RIIAD1: variants seen among roughly 807,000 people sequenced by gnomAD.
RIIAD1 encodes regulatory subunit of type II PKA R-subunit domain containing 1, also known as RIIa domain-containing protein 1.
In RIIAD1, 15 loss-of-function variants were observed where a neutral mutation model predicts 13.3. The ratio of observed to expected loss-of-function variants is 1.13; its 90% CI spans 0.76 to 1.74. The LOEUF (loss-of-function observed/expected upper bound fraction) is 1.74. Among genes scored for constraint, RIIAD1 ranks in the 40% most tolerant of loss-of-function variants. RIIAD1 has a pLI of 0.00. For missense variants in RIIAD1, 121 were observed against 112.2 expected (o/e 1.08, Z -0.35); for synonymous variants, 50 against 43.3 (o/e 1.16, Z -0.61).
chr1:151,722,202 G>T, intron 2 of RIIAD1, 40 bp downstream of exon 2: 1 of 1,249,338 alleles, frequency 8.0e-7, no homozygotes, highest in Non-Finnish European at 1.1e-6. Context: ...TGGCACGCAG[G>T]GTTTTCTTCG....
chr1:151,722,693 AT>A (rs1361723702), intron 2 of RIIAD1, among the ~76,000 whole-genome samples: 1 of 152,216 alleles, frequency 6.6e-6, no homozygotes, highest in Non-Finnish European at 1.5e-5. Context: ...TTATAGACAA[AT>A]AGACAAGGTT....
At position 151,721,637 on chromosome 1, in the gene RIIAD1, C is replaced by T; in HGVS notation, c.84+17C>T. Reference sequence around the variant, plus strand: ...AAATTCAAGGTGGGTGCGCCCGCGCCCCCATCCAGCGTCCACCAAAGTGTA... The same window carrying T: ...AAATTCAAGGTGGGTGCGCCCGCGCTCCCATCCAGCGTCCACCAAAGTGTA... On this transcript the variant is annotated intron_variant, in intron 1 of 4. Coordinates refer to ENST00000479191, the MANE Select transcript of RIIAD1 (RefSeq NM_001144956.3). 1 of 1,267,814 alleles carries T rather than the reference C, an allele frequency of 7.9e-7. No individual in the cohort carries two copies. The highest frequency in any genetic ancestry group is 2.5e-5 in the South Asian group (1 of 40,478). The allele number at this position is 1,267,814 out of a possible 1,614,324, so 78.5% of individuals were successfully genotyped here.
At chr1:151,717,810 G>A (rs1279320970), upstream of RIIAD1, among the ~76,000 whole-genome samples, 1 of 152,168 alleles carries the variant, frequency 6.6e-6, no homozygotes, top group African/African-American at 2.4e-5. Flanking sequence ...GGCACATTCG[G>A]GGACCATTGC....
chr1:151,716,749 G>T (rs764031917), upstream of RIIAD1: 4 of 444,418 alleles, frequency 9.0e-6, no homozygotes, highest in South Asian at 4.7e-5. Flanking sequence ...CTGCTTTCCC[G>T]GTCACCTGGG....
upstream of RIIAD1, chr1:151,716,709 G>A (rs1365771424): frequency 2.3e-6 from 1 of 437,864 alleles, no homozygotes; most frequent in Non-Finnish European, 4.6e-6. Context: ...GGCCTGGGCT[G>A]CTGCCGGCTG....
upstream of RIIAD1, chr1:151,721,477 G>C (rs566509099): frequency 9.0e-5 from 96 of 1,065,068 alleles, no homozygotes; most frequent in South Asian, 2.3e-3. Flanking sequence ...TGGGGGCAGG[G>C]CGGGGCCGGG....
chr1:151,725,865 A>G (rs992999872), intron 2 of RIIAD1, among the ~76,000 whole-genome samples: 1 of 152,126 alleles, frequency 6.6e-6, no homozygotes, highest in African/African-American at 2.4e-5. Context: ...GGCTCTCCGT[A>G]ATAGAACCTC....
At chr1:151,716,637 G>A (rs1165792072), upstream of RIIAD1, 4 of 373,268 alleles carry the variant, frequency 1.1e-5, no homozygotes, top group East Asian at 7.9e-5. Flanking sequence ...GGTCCCTTTT[G>A]CCCTGCCGCC....
intron 2 of RIIAD1, 39 bp downstream of exon 2, chr1:151,722,201 G>A: frequency 7.6e-7 from 1 of 1,312,604 alleles, no homozygotes; most frequent in Non-Finnish European, 1.1e-6. Context: ...GTGGCACGCA[G>A]GGTTTTCTTC....
chr1:151,715,280 G>C (rs1375397851), intron 4 of RIIAD1, among the ~76,000 whole-genome samples: 3 of 151,942 alleles, frequency 2.0e-5, no homozygotes, highest in Admixed American at 6.6e-5. Flanking sequence ...CACAGCCCTT[G>C]GATAGGCCTG....
At chr1:151,713,366 T>A (rs1673188866) in intron 2 of RIIAD1, 1 of 152,234 alleles carries the variant, frequency 6.6e-6, no homozygotes, top group Non-Finnish European at 1.5e-5. Context: ...CTGGTACACA[T>A]GACCTTTGGG....
At chr1:151,720,378 G>A (rs1298680151), upstream of RIIAD1, among the ~76,000 whole-genome samples, 2 of 152,080 alleles carry the variant, frequency 1.3e-5, no homozygotes, top group Admixed American at 1.3e-4. Flanking sequence ...CTGACAGATG[G>A]CAGCTTATCT....
rs149769250 is a variant in RIIAD1, at chr1:151,715,450, A to C, written c.21+921A>C. Among the ~76,000 whole-genome samples the C allele has an allele frequency of 5.9e-4, 90 of 151,846 alleles. 1 individual carries two copies. The highest frequency in any genetic ancestry group is 6.8e-3 in the Middle Eastern group (2 of 294). ...CAGCTCCACGCTTTCCACATTGAAC[A>C]CCTGACCCTGTGTCCTGACCCCCAT... On this transcript the variant is annotated intron_variant, in intron 4 of 8. Transcript: ENST00000326413.
upstream of RIIAD1, chr1:151,716,802 C>A (rs765512869): frequency 8.6e-6 from 4 of 466,600 alleles, no homozygotes; most frequent in Non-Finnish European, 1.8e-5. Context: ...TCAACAAAAA[C>A]CTCCCCCCTC....
chr1:151,716,134 T>C (rs1445074812), intron 4 of RIIAD1: 1 of 1,159,798 alleles, frequency 8.6e-7, no homozygotes, highest in African/African-American at 1.5e-5. Context: ...GGGGCTGGCT[T>C]TCCCTTTGGC....
chr1:151,718,780 C>T (rs114312177), upstream of RIIAD1, among the ~76,000 whole-genome samples: 4,261 of 152,240 alleles, frequency 0.028, 190 homozygotes, highest in African/African-American at 0.098. Flanking sequence ...GCCAGGGAAT[C>T]AAGAAGGGCA....
intron 3 of RIIAD1, among the ~76,000 whole-genome samples, chr1:151,727,917 A>T (rs906671018): frequency 6.6e-6 from 1 of 152,230 alleles, no homozygotes; most frequent in African/African-American, 2.4e-5. Context: ...CAGGGTTCTC[A>T]ACCCTAGCTG....
At chr1:151,712,706 C>T (rs1673123860) in intron 2 of RIIAD1, among the ~76,000 whole-genome samples, 1 of 152,246 alleles carries the variant, frequency 6.6e-6, no homozygotes, top group African/African-American at 2.4e-5. Context: ...CCCATTCTTT[C>T]TCTTTCCCTC....
intron 4 of RIIAD1, 60 bp downstream of exon 4, chr1:151,728,953 G>C (rs1052231946): frequency 7.5e-6 from 5 of 669,954 alleles, no homozygotes; most frequent in African/African-American, 1.8e-5. Context: ...ATAAGCTCTG[G>C]TTTATTGGTC....
Sources: allele counts gnomAD v4.1 joint callset (sites outside exome capture counted in the v4.1 genomes callset), GRCh38; gene constraint gnomAD v4.1.1; transcripts MANE v1.5; gene names NCBI Gene and HGNC (gene_info 2026-07-23, HGNC 2026-07-21).